Variants in CCT5 observed in about 807,000 individuals in gnomAD.
CCT5 encodes chaperonin containing TCP1 subunit 5, also known as T-complex protein 1 subunit epsilon.
A neutral mutation model predicts 55.0 loss-of-function variants in CCT5; 6 were observed. The observed-to-expected ratio is 0.11, with a 90% CI of 0.06 to 0.22. The LOEUF is 0.22. CCT5 is among the 10% of genes least tolerant of loss of function. The pLI, the probability that CCT5 is intolerant of heterozygous loss-of-function variation, is 1.00. For missense variants in CCT5, 560 were observed against 694.6 expected, an observed-to-expected ratio of 0.81 and a Z score of 2.18; for synonymous variants, 231 against 243.7, an observed-to-expected ratio of 0.95 and a Z score of 0.49.
chr5:10,251,475 G>C (rs566432371), intron 1 of CCT5, among the ~76,000 whole-genome samples: 1 of 152,302 alleles, frequency 6.6e-6, no homozygotes, highest in East Asian at 1.9e-4. Context: ...TTGTTATAAA[G>C]TGAATTCATA....
At chr5:10,259,916 G>A (rs1256302709) in intron 6 of CCT5, among the ~76,000 whole-genome samples, 1 of 152,216 alleles carries the variant, frequency 6.6e-6, no homozygotes, top group Admixed American at 6.5e-5. Context: ...ATGAGAGGCA[G>A]GGACCCAAAG....
At chr5:10,255,654 G>T (rs970120861) in intron 3 of CCT5, among the ~76,000 whole-genome samples, 6 of 151,834 alleles carry the variant, frequency 4.0e-5, no homozygotes, top group Admixed American at 2.6e-4. Flanking sequence ...CCTGGCCCAG[G>T]AAACATAATA....
intron 4 of CCT5, among the ~76,000 whole-genome samples, chr5:10,257,334 T>C (rs963975595): frequency 1.3e-5 from 2 of 152,216 alleles, no homozygotes; most frequent in Non-Finnish European, 2.9e-5. Flanking sequence ...GTATAACACT[T>C]ATTTTCTCAT....
upstream of CCT5, chr5:10,249,938 G>T (rs62362571): frequency 6.3e-5 from 33 of 523,474 alleles, no homozygotes; most frequent in Non-Finnish European, 8.9e-5. Flanking sequence ...AAAAAAACCG[G>T]AAATGGGTCC....
chr5:10,261,060 ATC>A, intron 7 of CCT5, 149 bp downstream of exon 7: 1 of 826,276 alleles, frequency 1.2e-6, no homozygotes, highest in Non-Finnish European at 2.1e-6. Flanking sequence ...AAGCGCTGGA[ATC>A]TTTGTTACTG....
intron 9 of CCT5, 115 bp downstream of exon 9, chr5:10,262,733 G>C: frequency 1.8e-6 from 2 of 1,105,148 alleles, no homozygotes; most frequent in African/African-American, 3.0e-5. Context: ...GCTGTGTGTA[G>C]GTGACAGGTG....
chr5:10,259,180 T>G (rs1745830269), intron 6 of CCT5, among the ~76,000 whole-genome samples: 1 of 152,228 alleles, frequency 6.6e-6, no homozygotes, highest in Non-Finnish European at 1.5e-5. Context: ...CAGAATGCAC[T>G]CATAGTAATC....
At chr5:10,263,064 G>T (rs950227167) in intron 9 of CCT5, 70 bp from the exon 10 acceptor site, 14 of 1,255,452 alleles carry the variant, frequency 1.1e-5, no homozygotes, top group Non-Finnish European at 1.5e-5. Flanking sequence ...TGATACAGTT[G>T]TGTTTTCACG....
At chr5:10,250,268 A>G (rs1160715026), upstream of CCT5, 1 of 1,607,818 alleles carries the variant, frequency 6.2e-7, no homozygotes, top group Admixed American at 1.7e-5. Flanking sequence ...GGCCCTCCCG[A>G]GAAAGGGAAG....
Position 10,254,129 on chromosome 5 carries a change from CTGTT to C in CCT5, c.106-10_106-7del, listed in dbSNP as rs1237325516. On this transcript the variant is annotated splice_polypyrimidine_tract_variant and intron_variant, in intron 1 of 10. Coordinates refer to ENST00000280326, the MANE Select transcript of CCT5 (RefSeq NM_012073.5). ...TTATATGTAACAGTGTTTGCTTTTT[CTGTT>C]TGTTTCATTAGTCTCATATAATGGC... The C allele has an allele frequency of 3.8e-6, 6 of 1,581,462 alleles. No individual in the cohort carries two copies. The highest frequency in any genetic ancestry group is 1.3e-5 in the African/African-American group (1 of 74,228).
In CCT5 at chr5:10,258,095, G is replaced by A. The variant is rs1561048052; in HGVS notation, c.531-16G>A. 6.2e-7 allele frequency: 1 copy of A among 1,613,664 alleles called. No individual in the cohort carries two copies. ...TTGTGAAACCAATGAAGTTTGTTTT[G>A]TGGTGTTTTCCTCAGGGTCAACAGT... On this transcript the variant is annotated splice_polypyrimidine_tract_variant and intron_variant, in intron 4 of 10. Transcript: ENST00000280326.
In CCT5 at chr5:10,258,066, G is replaced by A. The variant is rs563335974; in HGVS notation, c.531-45G>A. On this transcript the variant is annotated intron_variant, in intron 4 of 10. Transcript: ENST00000280326. Reference sequence around the variant, plus strand: ...TGTTATGTGGCCTGCTTTGGTTGCAGTAATTGTGAAACCAATGAAGTTTGT... The same window carrying A: ...TGTTATGTGGCCTGCTTTGGTTGCAATAATTGTGAAACCAATGAAGTTTGT... 1.5e-5 allele frequency: 24 copies of A among 1,581,742 alleles called. No individual in the cohort carries two copies. The South Asian group carries it at 2.7e-4, about 18-fold the overall frequency.
At chr5:10,250,237 C>T (rs774462398), upstream of CCT5, 2 of 1,580,704 alleles carry the variant, frequency 1.3e-6, no homozygotes, top group Admixed American at 1.8e-5. Context: ...GCGTCTTGTG[C>T]TGCGCGTGCG....
At chr5:10,264,190 G>T (rs535888977) in intron 10 of CCT5, among the ~76,000 whole-genome samples, 105 of 152,116 alleles carry the variant, frequency 6.9e-4, no homozygotes, top group African/African-American at 2.4e-3. Context: ...CAGGAGAATC[G>T]CTTGAACCCG....
intron 3 of CCT5, 74 bp downstream of exon 3, chr5:10,254,912 G>C (rs1396214281): frequency 3.3e-6 from 4 of 1,202,138 alleles, no homozygotes; most frequent in Non-Finnish European, 4.9e-6. Flanking sequence ...TGCCTGCTGA[G>C]ATTGTTGTCT....
rs752461300 is a variant in CCT5 at position 10,264,706 on chromosome 5, A to C, written c.1549A>C (p.Ile517Leu). The change falls in exon 11 of 11, where the codon ATA (isoleucine) becomes CTA (leucine). Residue 517 changes from isoleucine to leucine, a missense_variant. By Grantham distance (5) the Ile-to-Leu change is conservative. Around this residue, in one of 4 missense-constraint regions of CCT5, gnomAD observed 115 missense variants for 105.0 expected, o/e 1.10. Transcript: ENST00000280326. ...IETLIGKKQQ[I>L]SLATQMVRMI... Reference sequence around the variant, plus strand: ...AACCTTGATTGGCAAAAAGCAACAGATATCTCTTGCAACACAAATGGTTAG... The same window carrying C: ...AACCTTGATTGGCAAAAAGCAACAGCTATCTCTTGCAACACAAATGGTTAG... 22 of 1,614,052 alleles carry C rather than the reference A, an allele frequency of 1.4e-5. No homozygotes were observed. The highest frequency in any genetic ancestry group is 1.8e-5 in the Non-Finnish European group (21 of 1,179,900).
At chr5:10,253,438 A>T (rs1298175210) in intron 1 of CCT5, among the ~76,000 whole-genome samples, 1 of 152,018 alleles carries the variant, frequency 6.6e-6, no homozygotes, top group Non-Finnish European at 1.5e-5. Flanking sequence ...TTTATTTTGT[A>T]ATGGGGTCTC....
chr5:10,263,772 G>C (rs145173615), intron 10 of CCT5, among the ~76,000 whole-genome samples: 6 of 152,002 alleles, frequency 3.9e-5, no homozygotes, highest in African/African-American at 1.4e-4. Context: ...AGATATGGTG[G>C]CTGTAGCTTG....
In CCT5 at chr5:10,264,525, T is replaced by C. The variant is rs937459307; in HGVS notation, c.1499-131T>C. The C allele has an allele frequency of 5.5e-6, 4 of 722,838 alleles. No homozygotes were observed. The Admixed American group carries it at 8.2e-5, about 15-fold the overall frequency. 44.8% of individuals were successfully genotyped at this position (722,838 alleles called of 1,614,324 possible). A position where few individuals can be genotyped will look rare whatever the true frequency, so the allele number is the denominator to read the frequency against. On this transcript the variant is annotated intron_variant, in intron 10 of 10. Coordinates refer to ENST00000280326, the MANE Select transcript of CCT5 (RefSeq NM_012073.5). ...GAAAATGAAATATAACTGAAATTAGTGGCTTCCTGCTTGGCTTCCAGGAGT... is the reference window on the plus strand; with the variant it reads ...GAAAATGAAATATAACTGAAATTAGCGGCTTCCTGCTTGGCTTCCAGGAGT...
Sources: allele counts gnomAD v4.1 joint callset (sites outside exome capture counted in the v4.1 genomes callset), GRCh38; gene constraint gnomAD v4.1.1; regional missense constraint gnomAD v4.1.1; transcripts MANE v1.5; gene names NCBI Gene and HGNC (gene_info 2026-07-23, HGNC 2026-07-21).